BRD9: variants seen among roughly 807,000 people sequenced by gnomAD.
The protein encoded by BRD9 is bromodomain-containing protein 9.
A neutral mutation model predicts 68.7 loss-of-function variants in BRD9; 47 were observed. That is an observed-to-expected ratio of 0.68 (90% CI 0.54 to 0.87). BRD9 has a LOEUF of 0.87. Among genes scored for constraint, BRD9 ranks in the 40% least tolerant of loss-of-function variants. The pLI is 0.00. For missense variants in BRD9, 670 were observed against 748.4 expected (o/e 0.90, Z 1.22); for synonymous variants, 313 against 293.9 (o/e 1.06, Z -0.67).
intron 5 of BRD9, among the ~76,000 whole-genome samples, chr5:888,762 T>C (rs1752929129): frequency 6.6e-6 from 1 of 152,220 alleles, no homozygotes; most frequent in Non-Finnish European, 1.5e-5. Context: ...ATGTCCTATT[T>C]ACGCCAGCGC....
At chr5:871,791 C>T (rs1306225112) in intron 12 of BRD9, among the ~76,000 whole-genome samples, 1 of 152,218 alleles carries the variant, frequency 6.6e-6, no homozygotes, top group Non-Finnish European at 1.5e-5. Flanking sequence ...GGATTGTGTG[C>T]CGGGGACAGC....
At chr5:887,027 G>A (rs1752676609) in intron 6 of BRD9, 2 of 517,586 alleles carry the variant, frequency 3.9e-6, no homozygotes, top group South Asian at 2.2e-5. Flanking sequence ...ACTCAGGATG[G>A]CCAAGGAAGA....
intron 14 of BRD9, 182 bp downstream of exon 14, chr5:870,291 G>C: frequency 1.7e-6 from 1 of 590,400 alleles, no homozygotes; most frequent in Non-Finnish European, 3.0e-6. Context: ...ACAACACTCA[G>C]GAGATTCCAA....
At chr5:885,165 G>A (rs140340677) in intron 7 of BRD9, among the ~76,000 whole-genome samples, 15 of 152,348 alleles carry the variant, frequency 9.8e-5, no homozygotes, top group South Asian at 6.2e-4. Context: ...CACTCGAGTC[G>A]GGGGCTGAGG....
At chr5:874,862 C>G (rs747870333) in intron 12 of BRD9, among the ~76,000 whole-genome samples, 1 of 152,222 alleles carries the variant, frequency 6.6e-6, no homozygotes, top group South Asian at 2.1e-4. Context: ...CCTGGTGCGG[C>G]AGCACAGTGT....
Position 891,825 on chromosome 5 carries a change from G to A in BRD9, c.82C>T (p.Leu28=). ...CCTCCGACCTTCAGGACTAGCTTTA[G>A]AGGCTTCTCCAGGGGCTTGTCGGCA... ...DYADKPLEKP[L]KLVLKVGGSE... is the part of the protein sequence containing the mutation. Residue 28 remains leucine, a synonymous_variant, in exon 2 of 16, where the codon CTA becomes TTA. Transcript: ENST00000467963. 6.4e-7 allele frequency: 1 copy of A among 1,551,564 alleles called. No individual in the cohort carries two copies. Among genetic ancestry groups the A allele is most frequent in the Non-Finnish European group, 8.7e-7 (1 of 1,146,984 alleles).
chr5:870,434 T>C, intron 14 of BRD9, 39 bp downstream of exon 14: 1 of 1,504,164 alleles, frequency 6.6e-7, no homozygotes, highest in Non-Finnish European at 9.3e-7. Context: ...CTATCACACC[T>C]TCACCAGGTG....
chr5:891,602 C>G, intron 2 of BRD9, 38 bp downstream of exon 2: 1 of 1,545,334 alleles, frequency 6.5e-7, no homozygotes, highest in Non-Finnish European at 8.7e-7. Flanking sequence ...ACGGGCTCCT[C>G]GTGGGCAGCG....
At chr5:886,947 C>T (rs954473485) in intron 6 of BRD9, 19 of 603,786 alleles carry the variant, frequency 3.1e-5, no homozygotes, top group Admixed American at 2.5e-4. Context: ...CGGCAGGTGC[C>T]GCACCTCCCC....
chr5:869,227 A>C (rs1489263198), intron 14 of BRD9: 1 of 436,194 alleles, frequency 2.3e-6, no homozygotes, highest in East Asian at 7.1e-5. Flanking sequence ...CCATGATGTG[A>C]AGCGGGACTG....
chr5:883,915 T>C (rs1560919191), intron 8 of BRD9, 23 bp downstream of exon 8: 1 of 1,604,556 alleles, frequency 6.2e-7, no homozygotes, highest in Non-Finnish European at 8.5e-7. Flanking sequence ...TGGCACCCTC[T>C]CTCGGTGGCC....
At chr5:883,307 G>A (rs1288984728) in intron 8 of BRD9, 2 of 456,592 alleles carry the variant, frequency 4.4e-6, no homozygotes, top group Admixed American at 2.3e-5. Flanking sequence ...GAGATAAAAT[G>A]TTGGATATAG....
At chr5:890,093 G>A in intron 3 of BRD9, 1 of 323,382 alleles carries the variant, frequency 3.1e-6, no homozygotes, top group Non-Finnish European at 6.1e-6. Flanking sequence ...CAACTTGGGA[G>A]GCTGAGGTGG....
At chr5:876,518 G>T (rs940001192) in intron 11 of BRD9, among the ~76,000 whole-genome samples, 2 of 152,170 alleles carry the variant, frequency 1.3e-5, no homozygotes, top group African/African-American at 4.8e-5. Flanking sequence ...CTTTCCACTC[G>T]TTATGCGTTT....
Position 871,559 on chromosome 5 carries a change from T to C in BRD9, c.1389A>G (p.Arg463=). 1 of 1,614,172 alleles carries C rather than the reference T, an allele frequency of 6.2e-7. No individual in the cohort carries two copies. The highest frequency in any genetic ancestry group is 8.5e-7 in the Non-Finnish European group (1 of 1,179,960). ...CATCTGGAGGCTTCATGGGAACATT[T>C]CTTCTCTGAAAAGTAAATGAGGACA... is the stretch of plus-strand genomic sequence containing the variant. ...SRTLFQLKQR[R]NVPMKPPDEA... The change falls in exon 13 of 16, where the codon AGA becomes AGG. Residue 463 remains arginine (R), a synonymous_variant. Coordinates refer to ENST00000467963, the MANE Select transcript of BRD9 (RefSeq NM_023924.5).
In BRD9 at chr5:892,736, G is replaced by A; in HGVS notation, c.-79C>T. 1 of 1,209,768 alleles carries A rather than the reference G, an allele frequency of 8.3e-7. No homozygotes were observed. The highest frequency in any genetic ancestry group is 1.0e-6 in the Non-Finnish European group (1 of 963,188). The allele number at this position is 1,209,768 out of a possible 1,614,324, so 74.9% of individuals were successfully genotyped here. On this transcript the variant is annotated 5_prime_UTR_variant, in exon 1 of 16. Transcript: ENST00000467963. ...CGGACCTTGGCCGCCACCGCCCCCT[G>A]GCCCTGGCTGGCCGCCCGCGCTCGC... is the stretch of plus-strand genomic sequence containing the variant.
chr5:885,544 G>C (rs1752430151), intron 7 of BRD9, among the ~76,000 whole-genome samples: 1 of 152,244 alleles, frequency 6.6e-6, no homozygotes, highest in South Asian at 2.1e-4. Context: ...GACGGTCCCT[G>C]ACTTCCCACA....
chr5:870,410 T>C, intron 14 of BRD9, 63 bp downstream of exon 14: 2 of 1,251,126 alleles, frequency 1.6e-6, no homozygotes, highest in South Asian at 2.4e-5. Context: ...GTGGAGGCCG[T>C]GTGTTTTCTT....
chr5:887,597 C>T, intron 5 of BRD9, 126 bp from the exon 6 acceptor site: 2 of 746,306 alleles, frequency 2.7e-6, no homozygotes. Context: ...CAACTGGGCT[C>T]TCTGATCTAA....
Sources: gnomAD v4.1 joint callset for allele counts (sites outside exome capture counted in the v4.1 genomes callset) on GRCh38, gnomAD v4.1.1 for gene constraint, MANE v1.5 for transcripts, NCBI Gene and HGNC (gene_info 2026-07-23, HGNC 2026-07-21) for gene names.